The following PCDHGA11 variants were observed in gnomAD, a reference collection of about 807,000 sequenced individuals.
PCDHGA11 encodes protocadherin gamma subfamily A, 11, also known as protocadherin gamma-A11.
A neutral mutation model predicts 60.4 loss-of-function variants in PCDHGA11; 39 were observed. The observed-to-expected ratio is 0.65, with a 90% CI of 0.50 to 0.84. The LOEUF (loss-of-function observed/expected upper bound fraction) is 0.84. Among genes scored for constraint, PCDHGA11 ranks in the 40% least tolerant of loss-of-function variants. The pLI, the probability that PCDHGA11 is intolerant of heterozygous loss-of-function variation, is 0.00. For missense variants in PCDHGA11, 1,165 were observed against 1,197.7 expected, an observed-to-expected ratio of 0.97 and a Z score of 0.40; for synonymous variants, 533 against 510.3, an observed-to-expected ratio of 1.04 and a Z score of -0.60.
Position 141,486,416 on chromosome 5 carries a change from C to G in PCDHGA11, c.2434-8391C>G. The G allele has an allele frequency of 4.3e-6, 7 of 1,614,152 alleles. No homozygotes were observed. The highest frequency in any genetic ancestry group is 5.9e-6 in the Non-Finnish European group (7 of 1,180,016). On this transcript the variant is annotated intron_variant, in intron 1 of 3. Coordinates refer to ENST00000398587, the MANE Select transcript of PCDHGA11 (RefSeq NM_018914.3). The surrounding 1 kb of genome is among the most constrained non-coding windows in gnomAD (Gnocchi z 5.0). Reference sequence around the variant, plus strand: ...CCTGGTGACTGCTGGACCCTTGGATCGAGAGGCCAAATCTAGCTATGACAT... The same window carrying G: ...CCTGGTGACTGCTGGACCCTTGGATGGAGAGGCCAAATCTAGCTATGACAT...
intron 2 of PCDHGA11, 47 bp from the exon 3 acceptor site, chr5:141,505,346 C>G: frequency 4.3e-6 from 7 of 1,612,970 alleles, no homozygotes; most frequent in Non-Finnish European, 5.9e-6. Context: ...GGGGCATGAG[C>G]TGTGCCGGCC....
At chr5:141,508,123 G>A (rs989767852) in intron 3 of PCDHGA11, 1 of 152,616 alleles carries the variant, frequency 6.6e-6, no homozygotes, top group Non-Finnish European at 1.5e-5. Context: ...GAGGACAGAG[G>A]GAGGTCAGGG....
intron 1 of PCDHGA11, among the ~76,000 whole-genome samples, chr5:141,425,918 C>T (rs901485843): frequency 1.1e-4 from 16 of 152,200 alleles, no homozygotes; most frequent in Admixed American, 2.0e-4. Flanking sequence ...ACAGTCACTA[C>T]GAAAACTCAT....
At chr5:141,500,499 G>A (rs531501031) in intron 2 of PCDHGA11, among the ~76,000 whole-genome samples, 11 of 151,970 alleles carry the variant, frequency 7.2e-5, no homozygotes, top group African/African-American at 2.7e-4. Context: ...GTGAGCCACC[G>A]CGCCTGGCCG....
chr5:141,490,837 G>A lies in PCDHGA11; in HGVS notation c.2434-3970G>A. On this transcript the variant is annotated intron_variant, in intron 1 of 3. Coordinates refer to ENST00000398587, the MANE Select transcript of PCDHGA11 (RefSeq NM_018914.3). This position sits in a 1 kb window ranked among gnomAD's most constrained non-coding sequence, Gnocchi z 5.4. ...TGAATTGCTGCAGATGCTGCAGATTGTGGTGGGGGTTCGAGACTCCGGCTC... is the reference window on the plus strand; with the variant it reads ...TGAATTGCTGCAGATGCTGCAGATTATGGTGGGGGTTCGAGACTCCGGCTC... The A allele has an allele frequency of 1.9e-6, 3 of 1,613,914 alleles. No homozygotes were observed. The highest frequency in any genetic ancestry group is 2.2e-5 in the South Asian group (2 of 91,072).
chr5:141,476,039 C>T lies in PCDHGA11; in HGVS notation c.2434-18768C>T. The T allele has an allele frequency of 1.3e-6, 2 of 1,484,358 alleles. No homozygotes were observed. The highest frequency in any genetic ancestry group is 1.8e-6 in the Non-Finnish European group (2 of 1,117,328). The allele number at this position is 1,484,358 out of a possible 1,614,324, so 91.9% of individuals were successfully genotyped here. On this transcript the variant is annotated intron_variant, in intron 1 of 3. Coordinates refer to ENST00000398587, the MANE Select transcript of PCDHGA11 (RefSeq NM_018914.3). The surrounding 1 kb of genome is among the most constrained non-coding windows in gnomAD (Gnocchi z 7.6). Reference sequence around the variant, plus strand: ...TCGGACTCGGCGCCCAGCGCCCAAGCGCTAACCCGCTGAAAGTTTCTCAGC... The same window carrying T: ...TCGGACTCGGCGCCCAGCGCCCAAGTGCTAACCCGCTGAAAGTTTCTCAGC...
chr5:141,428,043 A>G, intron 1 of PCDHGA11: 1 of 1,608,722 alleles, frequency 6.2e-7, no homozygotes, highest in Non-Finnish European at 8.5e-7. Flanking sequence ...CTACCTGGTG[A>G]CCAAGGTGGT....
rs1430647254 is a variant in PCDHGA11 at position 141,477,750 on chromosome 5, C to T, written c.2434-17057C>T. On this transcript the variant is annotated intron_variant, in intron 1 of 3. Coordinates refer to ENST00000398587, the MANE Select transcript of PCDHGA11 (RefSeq NM_018914.3). This position sits in a 1 kb window ranked among gnomAD's most constrained non-coding sequence, Gnocchi z 4.9. ...GCTCATATCAGCGATGGGGGCACCC[C>T]GGTCCTAGCCACCAACATCAGCGTG... 8 of 1,613,772 alleles carry T rather than the reference C, an allele frequency of 5.0e-6. No individual in the cohort carries two copies. Among genetic ancestry groups the T allele is most frequent in the East Asian group, 2.2e-5 (1 of 44,890 alleles).
chr5:141,445,623 A>G (rs2098472971), intron 1 of PCDHGA11, among the ~76,000 whole-genome samples: 1 of 152,172 alleles, frequency 6.6e-6, no homozygotes, highest in South Asian at 2.1e-4. Flanking sequence ...TTTTTTTCGG[A>G]AAGTGATATT....
At chr5:141,427,879 C>T in intron 1 of PCDHGA11, 1 of 1,562,380 alleles carries the variant, frequency 6.4e-7, no homozygotes. Context: ...ACGATGCAGG[C>T]CCACGACCAG....
intron 2 of PCDHGA11, among the ~76,000 whole-genome samples, chr5:141,499,112 A>G (rs550424495): frequency 6.6e-6 from 1 of 152,238 alleles, no homozygotes; most frequent in African/African-American, 2.4e-5. Context: ...CCCCACCACT[A>G]TCCCTTCTCA....
At position 141,476,112 on chromosome 5, in the gene PCDHGA11, G is replaced by A. The variant is rs1201449171; in HGVS notation, c.2434-18695G>A. 2.5e-6 allele frequency: 4 copies of A among 1,590,646 alleles called. No homozygotes were observed. Among genetic ancestry groups the A allele is most frequent in the Non-Finnish European group, 2.6e-6 (3 of 1,170,830 alleles). ...CCCCGCTGAGAGGAACTGCTTTTGA[G>A]TGAGATGGTCCCAGAGGCCTGGAGG... On this transcript the variant is annotated intron_variant, in intron 1 of 3. Transcript: ENST00000398587. The surrounding 1 kb of genome is among the most constrained non-coding windows in gnomAD (Gnocchi z 7.6).
chr5:141,498,737 G>A (rs1176793634), intron 2 of PCDHGA11, among the ~76,000 whole-genome samples: 1 of 152,076 alleles, frequency 6.6e-6, no homozygotes, highest in African/African-American at 2.4e-5. Context: ...TTTGAGACCA[G>A]CCTGGCCAAC....
At chr5:141,460,159 T>A (rs1313260289) in intron 1 of PCDHGA11, among the ~76,000 whole-genome samples, 3 of 152,260 alleles carry the variant, frequency 2.0e-5, no homozygotes, top group Non-Finnish European at 1.5e-5. Context: ...CTTTGTCACA[T>A]ACATATTTTG....
chr5:141,428,338 T>G, intron 1 of PCDHGA11: 7 of 592,492 alleles, frequency 1.2e-5, no homozygotes, highest in East Asian at 3.1e-5. Flanking sequence ...TATGCTCTTC[T>G]TCCTCGCAGT....
In PCDHGA11 at chr5:141,476,149, A is replaced by T. The variant is rs1042362185; in HGVS notation, c.2434-18658A>T. The stretch of plus-strand genomic sequence containing the variant: ...CAGAGGCCTGGAGGAGCGGACTGGT[A>T]AGCACCGGGAGGGTAGTGGGAGTTT... On this transcript the variant is annotated intron_variant, in intron 1 of 3. Transcript: ENST00000398587. This position sits in a 1 kb window ranked among gnomAD's most constrained non-coding sequence, Gnocchi z 7.6. 4 of 1,611,688 alleles carry T rather than the reference A, an allele frequency of 2.5e-6. No individual in the cohort carries two copies. In the African/African-American group the frequency reaches 5.3e-5, roughly 22 times the overall value.
intron 1 of PCDHGA11, among the ~76,000 whole-genome samples, chr5:141,460,672 TATATCTATATA>T (rs2098995194): frequency 6.6e-6 from 1 of 152,086 alleles, no homozygotes; most frequent in Admixed American, 6.6e-5. Flanking sequence ...AACACAGTTA[TATATCTATATA>T]TCCACCAACA....
At chr5:141,506,462 AAAAG>A (rs1396142744) in intron 3 of PCDHGA11, among the ~76,000 whole-genome samples, 1 of 151,856 alleles carries the variant, frequency 6.6e-6, no homozygotes, top group African/African-American at 2.4e-5. Flanking sequence ...AAAAAAAAAA[AAAAG>A]AGCACAGGCT....
chr5:141,433,001 G>A (rs1361701281), intron 1 of PCDHGA11: 39 of 1,614,156 alleles, frequency 2.4e-5, no homozygotes, highest in Non-Finnish European at 3.1e-5. Context: ...CGGGGTGCAG[G>A]CTTTCCTGCA....
Sources: gnomAD v4.1 joint callset for allele counts (sites outside exome capture counted in the v4.1 genomes callset) on GRCh38, gnomAD v4.1.1 for gene constraint, Gnocchi (gnomAD v3.1) non-coding constraint, MANE v1.5 for transcripts, NCBI Gene and HGNC (gene_info 2026-07-23, HGNC 2026-07-21) for gene names.